The following SEPTIN9 variants were observed in gnomAD, a reference collection of about 807,000 sequenced individuals.
The protein encoded by SEPTIN9 is septin-9.
SEPTIN9 carries 13 observed loss-of-function variants against 56.6 expected under a neutral mutation model. The observed-to-expected ratio is 0.23, with a 90% confidence interval of 0.15 to 0.37. The LOEUF is 0.37. Among genes scored for constraint, SEPTIN9 ranks in the 10% least tolerant of loss-of-function variants. The pLI, the probability that SEPTIN9 is intolerant of heterozygous loss-of-function variation, is 1.00. For missense variants in SEPTIN9, 650 were observed against 823.1 expected (o/e 0.79, Z 2.57); for synonymous variants, 332 against 334.1 (o/e 0.99, Z 0.07).
At chr17:77,336,922 C>A (rs561452096) in intron 2 of SEPTIN9, among the ~76,000 whole-genome samples, 3 of 151,010 alleles carry the variant, frequency 2.0e-5, no homozygotes, top group Admixed American at 2.0e-4. Flanking sequence ...GCTTTTTCTG[C>A]ATCTATGGAA....
At chr17:77,334,336 G>T (rs887607068) in intron 2 of SEPTIN9, among the ~76,000 whole-genome samples, 38 of 151,172 alleles carry the variant, frequency 2.5e-4, no homozygotes, top group African/African-American at 9.0e-4. Flanking sequence ...GCAGGAAAAT[G>T]GTGTGAACCT....
At chr17:77,478,589 C>G (rs1010809781) in intron 3 of SEPTIN9, among the ~76,000 whole-genome samples, 4 of 151,980 alleles carry the variant, frequency 2.6e-5, no homozygotes, top group Non-Finnish European at 2.9e-5. Flanking sequence ...GGTGGATCAT[C>G]TGAGGTCACA....
At chr17:77,454,799 C>T (rs950653315) in intron 3 of SEPTIN9, among the ~76,000 whole-genome samples, 1 of 152,272 alleles carries the variant, frequency 6.6e-6, no homozygotes. Flanking sequence ...ACCCAGAGGT[C>T]TGGGCCTTCT....
chr17:77,482,965 T>G, intron 4 of SEPTIN9: 2 of 178,514 alleles, frequency 1.1e-5, no homozygotes, highest in Admixed American at 5.4e-5. Flanking sequence ...GCGTCCCGTT[T>G]TCCAGGCAGA....
intron 2 of SEPTIN9, among the ~76,000 whole-genome samples, chr17:77,394,087 G>A (rs551717394): frequency 1.2e-4 from 19 of 152,290 alleles, no homozygotes; most frequent in East Asian, 7.7e-4. Context: ...AGGCACACCA[G>A]GCCTTTGGGC....
chr17:77,445,636 C>T lies in SEPTIN9; in HGVS notation c.722-36508C>T. 8.3e-6 allele frequency: 3 copies of T among 361,960 alleles called. No homozygotes were observed. The highest frequency in any genetic ancestry group is 6.4e-5 in the South Asian group (3 of 47,194). 22.4% of individuals were successfully genotyped at this position (361,960 alleles called of 1,614,324 possible). ...GTGTTTCAGCAGCACGTGGGTGTCA[C>T]CACACTTCCTAGCAGGTGTCAACCT... On this transcript the variant is annotated intron_variant, in intron 3 of 11. Transcript: ENST00000427177. The surrounding 1 kb of genome is among the most constrained non-coding windows in gnomAD (Gnocchi z 4.7).
chr17:77,387,218 G>A (rs1290552655), intron 2 of SEPTIN9, among the ~76,000 whole-genome samples: 5 of 152,204 alleles, frequency 3.3e-5, no homozygotes, highest in South Asian at 2.1e-4. Flanking sequence ...GGGAGGCTCC[G>A]GCCCAGGCCT....
Position 77,475,725 on chromosome 17 carries a change from G to T in SEPTIN9, c.722-6419G>T. The T allele has an allele frequency of 6.2e-7, 1 of 1,613,262 alleles. No homozygotes were observed. Among genetic ancestry groups the T allele is most frequent in the Non-Finnish European group, 8.5e-7 (1 of 1,179,884 alleles). On this transcript the variant is annotated intron_variant, in intron 3 of 11. Coordinates refer to ENST00000427177, the MANE Select transcript of SEPTIN9 (RefSeq NM_001113491.2). The surrounding 1 kb of genome is among the most constrained non-coding windows in gnomAD (Gnocchi z 4.6). ...GGCAAGGAAGTCTTCGCCGGGGCAAGGGCACCAGCTGTAGATGCCGGCAGC... is the reference window on the plus strand; with the variant it reads ...GGCAAGGAAGTCTTCGCCGGGGCAATGGCACCAGCTGTAGATGCCGGCAGC...
At chr17:77,416,093 T>C (rs555310219) in intron 3 of SEPTIN9, among the ~76,000 whole-genome samples, 1 of 152,380 alleles carries the variant, frequency 6.6e-6, no homozygotes, top group African/African-American at 2.4e-5. Flanking sequence ...TGCACAGCCC[T>C]GTCAGAGTTT....
chr17:77,297,478 G>T lies in SEPTIN9; in HGVS notation c.20-9663G>T, dbSNP rs181208300. Among the ~76,000 whole-genome samples, 23 of 152,232 alleles carry T rather than the reference G, an allele frequency of 1.5e-4. 1 individual carries two copies. In the East Asian group the frequency reaches 4.4e-3, roughly 29 times the overall value. On this transcript the variant is annotated intron_variant, in intron 1 of 11. Transcript: ENST00000427177. ...TCACAGACACACCCAGAAGCGATGC[G>T]TTACCAGCCATCCCTTAATCCAGCC...
At chr17:77,387,416 G>A (rs181255960) in intron 2 of SEPTIN9, among the ~76,000 whole-genome samples, 2 of 152,334 alleles carry the variant, frequency 1.3e-5, no homozygotes, top group East Asian at 3.9e-4. Flanking sequence ...CATCTGCAAA[G>A]ACCCTATTCC....
At chr17:77,353,610 T>C (rs1248785496) in intron 2 of SEPTIN9, among the ~76,000 whole-genome samples, 1 of 152,068 alleles carries the variant, frequency 6.6e-6, no homozygotes, top group East Asian at 1.9e-4. Flanking sequence ...CAGAATGTAA[T>C]GTTATTGGGG....
rs748062288 is a variant in SEPTIN9, at chr17:77,453,400, G to A, written c.722-28744G>A. Reference sequence around the variant, plus strand: ...GCAGGCAGATCACCTGAGGTCAAGAGTTCGAGACCAGCCTGGCCAACATGG... The same window carrying A: ...GCAGGCAGATCACCTGAGGTCAAGAATTCGAGACCAGCCTGGCCAACATGG... On this transcript the variant is annotated intron_variant, in intron 3 of 11. Transcript: ENST00000427177. This position sits in a 1 kb window ranked among gnomAD's most constrained non-coding sequence, Gnocchi z 4.4. 3.3e-5 allele frequency among the ~76,000 whole-genome samples: 5 copies of A among 152,142 alleles called. No individual in the cohort carries two copies. The highest frequency in any genetic ancestry group is 7.3e-5 in the Non-Finnish European group (5 of 68,036).
intron 3 of SEPTIN9, among the ~76,000 whole-genome samples, chr17:77,443,280 G>A (rs1350714426): frequency 1.3e-5 from 2 of 152,142 alleles, no homozygotes; most frequent in Non-Finnish European, 2.9e-5. Context: ...GGGGAAATGA[G>A]GTTGGAGGGG....
intron 3 of SEPTIN9, 112 bp from the exon 4 acceptor site, chr17:77,482,032 T>G: frequency 9.4e-7 from 1 of 1,063,278 alleles, no homozygotes; most frequent in East Asian, 2.6e-5. Flanking sequence ...TTAGCCTTTC[T>G]GAGCCTCAGT....
At chr17:77,390,738 G>A (rs1032574186) in intron 2 of SEPTIN9, among the ~76,000 whole-genome samples, 1 of 152,088 alleles carries the variant, frequency 6.6e-6, no homozygotes, top group African/African-American at 2.4e-5. Flanking sequence ...GGCGTGAGCC[G>A]CCGCGCCCGG....
chr17:77,497,596 G>C (rs1426074462), intron 11 of SEPTIN9: 3 of 603,326 alleles, frequency 5.0e-6, no homozygotes, highest in Admixed American at 2.7e-5. Flanking sequence ...AAGTTGGCTG[G>C]ATGGGAAGGC....
At chr17:77,411,590 C>T (rs1226668896) in intron 3 of SEPTIN9, among the ~76,000 whole-genome samples, 1 of 151,568 alleles carries the variant, frequency 6.6e-6, no homozygotes, top group Non-Finnish European at 1.5e-5. Flanking sequence ...TTAGTAGAGA[C>T]GGGGTTTCAC....
chr17:77,402,711 G>C lies in SEPTIN9; in HGVS notation c.721+8G>C, dbSNP rs570948689. 1.3e-5 allele frequency: 20 copies of C among 1,572,662 alleles called. No individual in the cohort carries two copies. In the African/African-American group the frequency reaches 2.2e-4, roughly 17 times the overall value. ...CACCCCGGAGCCAGGAGGGTGAGTC[G>C]CAGAGCGCTAGGTCTTGGATGCTGT... On this transcript the variant is annotated splice_region_variant and intron_variant, in intron 3 of 11. Coordinates refer to ENST00000427177, the MANE Select transcript of SEPTIN9 (RefSeq NM_001113491.2). The surrounding 1 kb of genome is among the most constrained non-coding windows in gnomAD (Gnocchi z 6.6).
Sources: gnomAD v4.1 joint callset for allele counts (sites outside exome capture counted in the v4.1 genomes callset) on GRCh38, gnomAD v4.1.1 for gene constraint, Gnocchi (gnomAD v3.1) non-coding constraint, MANE v1.5 for transcripts, NCBI Gene and HGNC (gene_info 2026-07-23, HGNC 2026-07-21) for gene names.